Variants in TBC1D30 observed in about 807,000 individuals in gnomAD.
TBC1D30 encodes the protein TBC1 domain family, member 30.
In TBC1D30, 31 loss-of-function variants were observed where a neutral mutation model predicts 63.2. The ratio of observed to expected loss-of-function variants is 0.49; its 90% CI spans 0.37 to 0.66. The LOEUF is 0.66. Among genes scored for constraint, TBC1D30 ranks in the 30% least tolerant of loss-of-function variants. The pLI is 0.00. For missense variants in TBC1D30, 810 were observed against 953.6 expected (o/e 0.85, Z 1.98); for synonymous variants, 307 against 361.5 (o/e 0.85, Z 1.71).
chr12:64,855,869 G>A (rs999469931), intron 8 of TBC1D30, among the ~76,000 whole-genome samples: 1 of 152,170 alleles, frequency 6.6e-6, no homozygotes, highest in African/African-American at 2.4e-5. Context: ...GTTCTCTTGT[G>A]TCTGGACATT....
At chr12:64,819,317 C>T (rs889414094) in intron 2 of TBC1D30, among the ~76,000 whole-genome samples, 1 of 152,018 alleles carries the variant, frequency 6.6e-6, no homozygotes, top group Non-Finnish European at 1.5e-5. Flanking sequence ...CTCCTGCTGC[C>T]CTGCCCCTTC....
intron 11 of TBC1D30, among the ~76,000 whole-genome samples, chr12:64,873,527 TA>T (rs571325132): frequency 2.0e-5 from 3 of 151,540 alleles, no homozygotes; most frequent in East Asian, 1.9e-4. Flanking sequence ...TCTGGCAGGG[TA>T]GGGGTGTCAG....
At chr12:64,850,747 T>C (rs1013335601) in intron 8 of TBC1D30, among the ~76,000 whole-genome samples, 12 of 152,212 alleles carry the variant, frequency 7.9e-5, no homozygotes, top group African/African-American at 2.9e-4. Flanking sequence ...TTTTTTGTTG[T>C]GTCTCTGCCA....
chr12:64,833,991 A>G (rs996421304), intron 5 of TBC1D30, among the ~76,000 whole-genome samples: 4 of 152,178 alleles, frequency 2.6e-5, no homozygotes, highest in Non-Finnish European at 4.4e-5. Flanking sequence ...GTACATGCCA[A>G]TCAAATTATA....
intron 1 of TBC1D30, among the ~76,000 whole-genome samples, chr12:64,765,525 TA>T (rs1870680671): frequency 9.2e-6 from 1 of 108,682 alleles, no homozygotes; most frequent in Non-Finnish European, 1.9e-5. Flanking sequence ...AAAAAATTAC[TA>T]TATAGGCTCC....
At chr12:64,845,508 C>T (rs1389057962) in intron 8 of TBC1D30, among the ~76,000 whole-genome samples, 7 of 152,020 alleles carry the variant, frequency 4.6e-5, no homozygotes, top group Admixed American at 2.0e-4. Context: ...GGGCAGATCA[C>T]GAGGTCAGGA....
intron 8 of TBC1D30, among the ~76,000 whole-genome samples, chr12:64,848,710 T>C (rs1340529312): frequency 6.6e-6 from 1 of 152,250 alleles, no homozygotes; most frequent in African/African-American, 2.4e-5. Context: ...GTCTTTGCTA[T>C]TGTGAATAGT....
chr12:64,779,099 C>A (rs990153568), upstream of TBC1D30: 1 of 151,998 alleles, frequency 6.6e-6, no homozygotes, highest in African/African-American at 2.4e-5. Flanking sequence ...ACCTGTAATT[C>A]CTGATGGAGA....
At chr12:64,811,962 A>C (rs1378710754) in intron 2 of TBC1D30, among the ~76,000 whole-genome samples, 1 of 152,216 alleles carries the variant, frequency 6.6e-6, no homozygotes, top group African/African-American at 2.4e-5. Flanking sequence ...TATGGCTTTC[A>C]AGTGAGACAG....
At chr12:64,825,307 T>C (rs1404937700) in intron 1 of TBC1D30, 1 of 406,322 alleles carries the variant, frequency 2.5e-6, no homozygotes, top group Non-Finnish European at 4.3e-6. Context: ...GCCTGTGTGC[T>C]CGGCTTTCTC....
chr12:64,794,095 C>G (rs1427324860), intron 2 of TBC1D30, among the ~76,000 whole-genome samples: 1 of 152,208 alleles, frequency 6.6e-6, no homozygotes, highest in Admixed American at 6.5e-5. Context: ...TGCCTTCTCA[C>G]TTGTCTTGTT....
intron 7 of TBC1D30, among the ~76,000 whole-genome samples, chr12:64,839,262 T>TA (rs1284213287): frequency 1.3e-5 from 2 of 152,246 alleles, no homozygotes; most frequent in Admixed American, 6.5e-5. Flanking sequence ...AGGGCTGTGA[T>TA]AAAATCAAAT....
upstream of TBC1D30, among the ~76,000 whole-genome samples, chr12:64,820,550 G>A (rs1440787416): frequency 6.6e-6 from 1 of 152,144 alleles, no homozygotes; most frequent in Non-Finnish European, 1.5e-5. Context: ...TTCAGCATAA[G>A]TCATAACCAT....
In TBC1D30 at chr12:64,824,866, C is replaced by T. The variant is rs1565658824; in HGVS notation, c.-14C>T. The T allele has an allele frequency of 1.5e-5, 23 of 1,532,254 alleles. No homozygotes were observed. The highest frequency in any genetic ancestry group is 2.0e-5 in the Admixed American group (1 of 50,852). 94.9% of individuals were successfully genotyped at this position (1,532,254 alleles called of 1,614,324 possible). ...GACGGACGGTAGCCGTGCCAGAGCC[C>T]GGGGCGCTCTCGGATGCGGCAGGAC... On this transcript the variant is annotated 5_prime_UTR_variant, in exon 1 of 12. Transcript: ENST00000539867.
chr12:64,822,675 C>CTTT (rs4045050), upstream of TBC1D30, among the ~76,000 whole-genome samples: 1,454 of 135,648 alleles, frequency 0.011, 38 homozygotes, highest in African/African-American at 0.031. Context: ...ATTTTTGTAG[C>CTTT]TTTTTTTTTT....
At chr12:64,769,381 A>AT (rs757317530) in intron 1 of TBC1D30, among the ~76,000 whole-genome samples, 1,407 of 134,966 alleles carry the variant, frequency 0.01, 12 homozygotes, top group Non-Finnish European at 0.015. Flanking sequence ...AATTTTTGTA[A>AT]TTTTTTTTTT....
intron 1 of TBC1D30, among the ~76,000 whole-genome samples, chr12:64,827,566 T>C (rs1046314147): frequency 6.6e-6 from 1 of 152,180 alleles, no homozygotes; most frequent in Non-Finnish European, 1.5e-5. Flanking sequence ...GTGGTGTCAT[T>C]TTTTGTTTTT....
chr12:64,792,622 T>C (rs1294883190), intron 2 of TBC1D30, among the ~76,000 whole-genome samples: 1 of 152,146 alleles, frequency 6.6e-6, no homozygotes, highest in Admixed American at 6.6e-5. Context: ...CAGGCCGGAG[T>C]GCAGTGGTGC....
intron 8 of TBC1D30, among the ~76,000 whole-genome samples, chr12:64,845,713 T>G: frequency 8.7e-6 from 1 of 115,350 alleles, no homozygotes; most frequent in African/African-American, 3.4e-5. Context: ...GCAACAAGAG[T>G]GAGACTCCGT....
Sources: allele counts gnomAD v4.1 joint callset (sites outside exome capture counted in the v4.1 genomes callset), GRCh38; gene constraint gnomAD v4.1.1; transcripts MANE v1.5; gene names NCBI Gene and HGNC (gene_info 2026-07-23, HGNC 2026-07-21).